Variants in PLPBP observed in about 807,000 individuals in gnomAD.
The protein encoded by PLPBP is pyridoxal phosphate binding protein, also known as pyridoxal phosphate homeostasis protein.
Under a neutral mutation model 31.2 loss-of-function variants are expected in PLPBP, and 21 were observed. That is an observed-to-expected ratio of 0.67 (90% CI 0.48 to 0.97). The LOEUF is 0.97. Ranked by LOEUF, PLPBP falls within the 50% of genes least tolerant of loss-of-function variation. The pLI, the probability that PLPBP is intolerant of heterozygous loss-of-function variation, is 0.00. For missense variants in PLPBP, 308 were observed against 354.4 expected (o/e 0.87, Z 1.05); for synonymous variants, 124 against 135.6 (o/e 0.91, Z 0.59).
chr8:37,777,432 A>G (rs1163968464), intron 7 of PLPBP, among the ~76,000 whole-genome samples: 3 of 152,154 alleles, frequency 2.0e-5, no homozygotes, highest in Non-Finnish European at 4.4e-5. Context: ...AGTGCCAGCC[A>G]CACTCTCCAA....
chr8:37,765,689 T>C, intron 2 of PLPBP, 22 bp from the exon 3 acceptor site: 1 of 1,614,248 alleles, frequency 6.2e-7, no homozygotes, highest in Non-Finnish European at 8.5e-7. Flanking sequence ...GGCTTCTGAC[T>C]TGTTCTGTTT....
intron 4 of PLPBP, among the ~76,000 whole-genome samples, chr8:37,770,105 C>G (rs56001362): frequency 6.6e-6 from 1 of 152,170 alleles, no homozygotes; most frequent in Non-Finnish European, 1.5e-5. Context: ...TATCAGAATA[C>G]TAGTGACATT....
At chr8:37,775,577 C>G in intron 6 of PLPBP, 96 bp downstream of exon 6, 1 of 1,513,150 alleles carries the variant, frequency 6.6e-7, no homozygotes, top group Non-Finnish European at 9.0e-7. Flanking sequence ...CAGAGTCATC[C>G]CAGACACTGC....
chr8:37,774,314 T>TA (rs1435071505), intron 5 of PLPBP, among the ~76,000 whole-genome samples: 2 of 152,266 alleles, frequency 1.3e-5, no homozygotes, highest in African/African-American at 4.8e-5. Flanking sequence ...AAGCATGGGC[T>TA]TTGAAATCAG....
intron 4 of PLPBP, among the ~76,000 whole-genome samples, chr8:37,770,234 A>G (rs896832160): frequency 1.3e-5 from 2 of 152,236 alleles, no homozygotes; most frequent in Non-Finnish European, 2.9e-5. Flanking sequence ...CCTGACTTCA[A>G]ATTATACTGT....
At chr8:37,777,282 G>A (rs1423501822) in intron 7 of PLPBP, among the ~76,000 whole-genome samples, 1 of 152,216 alleles carries the variant, frequency 6.6e-6, no homozygotes, top group East Asian at 1.9e-4. Flanking sequence ...GCATTGATAA[G>A]TAAAATGGAA....
chr8:37,775,594 A>C, intron 6 of PLPBP, 113 bp downstream of exon 6: 2 of 1,463,216 alleles, frequency 1.4e-6, no homozygotes, highest in Non-Finnish European at 1.9e-6. Context: ...CTGCCTGTTG[A>C]GTGTTCTAGC....
At chr8:37,770,322 T>C (rs978877249) in intron 4 of PLPBP, among the ~76,000 whole-genome samples, 1 of 152,146 alleles carries the variant, frequency 6.6e-6, no homozygotes, top group Non-Finnish European at 1.5e-5. Flanking sequence ...AGAAATAAAT[T>C]TGTACATCTA....
intron 1 of PLPBP, among the ~76,000 whole-genome samples, chr8:37,764,379 TG>T (rs1429523145): frequency 6.6e-6 from 1 of 152,148 alleles, no homozygotes; most frequent in Non-Finnish European, 1.5e-5. Flanking sequence ...TGGAGTGCAA[TG>T]GCACAGCCTC....
At chr8:37,765,877 A>T in intron 3 of PLPBP, 131 bp downstream of exon 3, 1 of 950,160 alleles carries the variant, frequency 1.1e-6, no homozygotes, top group Non-Finnish European at 1.6e-6. Flanking sequence ...CAGGGATAGA[A>T]ATGTCAGCTT....
At chr8:37,766,183 G>C in intron 3 of PLPBP, 97 bp from the exon 4 acceptor site, 1 of 834,250 alleles carries the variant, frequency 1.2e-6, no homozygotes, top group South Asian at 1.7e-5. Context: ...AAGGAACAGA[G>C]AGTGGATGTG....
intron 4 of PLPBP, among the ~76,000 whole-genome samples, chr8:37,767,665 A>C (rs1483723921): frequency 1.3e-5 from 2 of 152,158 alleles, no homozygotes; most frequent in African/African-American, 4.8e-5. Context: ...GAGCCTTTGT[A>C]TGGATATATT....
chr8:37,774,176 A>C (rs1803845152), intron 5 of PLPBP, among the ~76,000 whole-genome samples: 1 of 152,116 alleles, frequency 6.6e-6, no homozygotes, highest in Non-Finnish European at 1.5e-5. Flanking sequence ...GCGCCACTGC[A>C]CTCCAGCCTG....
intron 5 of PLPBP, 62 bp from the exon 6 acceptor site, chr8:37,775,277 T>C: frequency 6.3e-7 from 1 of 1,588,886 alleles, no homozygotes; most frequent in Non-Finnish European, 8.6e-7. Flanking sequence ...GGGAGGAAAA[T>C]GGAGCCTTCC....
At chr8:37,767,275 AC>A in intron 4 of PLPBP, among the ~76,000 whole-genome samples, 1 of 152,320 alleles carries the variant, frequency 6.6e-6, no homozygotes, top group East Asian at 1.9e-4. Context: ...TGAAACCATC[AC>A]AACAAACAGT....
chr8:37,769,026 A>G (rs924355057), intron 4 of PLPBP, among the ~76,000 whole-genome samples: 2 of 152,144 alleles, frequency 1.3e-5, no homozygotes, highest in African/African-American at 4.8e-5. Flanking sequence ...AAGACATAAA[A>G]TCTGGAAACC....
chr8:37,777,582 G>GT (rs1213194762), intron 7 of PLPBP, among the ~76,000 whole-genome samples: 5 of 150,306 alleles, frequency 3.3e-5, no homozygotes, highest in African/African-American at 7.3e-5. Flanking sequence ...GTTTTTTTTT[G>GT]TTTTTTTTGA....
At chr8:37,767,799 C>CTTTTTTTTTTTTTTTTT (rs1175107737) in intron 4 of PLPBP, among the ~76,000 whole-genome samples, 2 of 98,936 alleles carry the variant, frequency 2.0e-5, no homozygotes, top group Admixed American at 1.2e-4. Flanking sequence ...CTTTTATTTA[C>CTTTTTTTTTTTTTTTTT]TTTTTTTTTT....
chr8:37,765,834 A>G, intron 3 of PLPBP, 88 bp downstream of exon 3: 1 of 1,439,862 alleles, frequency 6.9e-7, no homozygotes, highest in Non-Finnish European at 9.6e-7. Context: ...TGAGTTGTAC[A>G]GCAGTTTTAG....
Sources: gnomAD v4.1 joint callset for allele counts (sites outside exome capture counted in the v4.1 genomes callset) on GRCh38, gnomAD v4.1.1 for gene constraint, MANE v1.5 for transcripts, NCBI Gene and HGNC (gene_info 2026-07-23, HGNC 2026-07-21) for gene names.